Variants in PLSCR2 observed in about 807,000 individuals in gnomAD.
PLSCR2 encodes phospholipid scramblase 2.
In PLSCR2, 18 loss-of-function variants were observed where a neutral mutation model predicts 25.3. That is an observed-to-expected ratio of 0.71 (90% CI 0.49 to 1.06). PLSCR2 has a LOEUF of 1.06. Among genes scored for constraint, PLSCR2 ranks in the 50% least tolerant of loss-of-function variants. The pLI is 0.00. For missense variants in PLSCR2, 243 were observed against 269.5 expected, an observed-to-expected ratio of 0.90 and a Z score of 0.69; for synonymous variants, 88 against 87.3, an observed-to-expected ratio of 1.01 and a Z score of -0.04.
chr3:146,479,672 A>G (rs2043060099), intron 1 of PLSCR2, among the ~76,000 whole-genome samples: 1 of 152,180 alleles, frequency 6.6e-6, no homozygotes, highest in South Asian at 2.1e-4. Flanking sequence ...TATTAGACAG[A>G]TCAATGAGAC....
intron 1 of PLSCR2, among the ~76,000 whole-genome samples, chr3:146,481,198 C>T (rs1336689778): frequency 1.3e-5 from 2 of 152,196 alleles, no homozygotes; most frequent in African/African-American, 4.8e-5. Flanking sequence ...TCTCTCACCA[C>T]TCCTATTCAA....
chr3:146,492,396 C>T (rs985400960), intron 1 of PLSCR2, among the ~76,000 whole-genome samples: 5 of 152,096 alleles, frequency 3.3e-5, no homozygotes, highest in Non-Finnish European at 7.4e-5. Flanking sequence ...CAACCACATA[C>T]TTGTGCATAA....
chr3:146,463,532 C>T (rs1462682960), upstream of PLSCR2, among the ~76,000 whole-genome samples: 2 of 152,190 alleles, frequency 1.3e-5, no homozygotes, highest in East Asian at 3.8e-4. Flanking sequence ...TGCCTTGACC[C>T]CATCCTAGTC....
chr3:146,449,199 G>A lies in PLSCR2; in HGVS notation c.645+7C>T, dbSNP rs766229381. ...TCTGTCACCAAGATTAGCAGGAATA[G>A]ACTTACAATGAGGAAACAGGCACCA... On this transcript the variant is annotated splice_region_variant and intron_variant, in intron 6 of 6. Coordinates refer to ENST00000610787, the Ensembl canonical transcript of PLSCR2. 3.6e-5 allele frequency: 58 copies of A among 1,605,428 alleles called. 1 individual carries two copies. Among genetic ancestry groups the A allele is most frequent in the Non-Finnish European group, 4.7e-5 (55 of 1,174,160 alleles).
At chr3:146,453,008 A>T (rs1230344396) in intron 5 of PLSCR2, among the ~76,000 whole-genome samples, 1 of 151,940 alleles carries the variant, frequency 6.6e-6, no homozygotes, top group Admixed American at 6.6e-5. Context: ...TTATAAGAGC[A>T]TTTTAAAGGT....
At chr3:146,447,358 C>A (rs1413719539) in intron 6 of PLSCR2, among the ~76,000 whole-genome samples, 1 of 152,188 alleles carries the variant, frequency 6.6e-6, no homozygotes, top group Non-Finnish European at 1.5e-5. Flanking sequence ...GCAAGTACTG[C>A]CTGGCTATCA....
At chr3:146,431,877 A>AAT (rs1266862341), downstream of PLSCR2, among the ~76,000 whole-genome samples, 1 of 151,524 alleles carries the variant, frequency 6.6e-6, no homozygotes, top group African/African-American at 2.4e-5. Context: ...AAAAAAAAAA[A>AAT]AGACTTTATT....
chr3:146,441,029 T>C (rs921128632), downstream of PLSCR2, among the ~76,000 whole-genome samples: 6 of 152,194 alleles, frequency 3.9e-5, no homozygotes, highest in African/African-American at 1.4e-4. Context: ...AGAATGAGTC[T>C]GTCTTTTGGA....
upstream of PLSCR2, among the ~76,000 whole-genome samples, chr3:146,461,550 C>G (rs1424374785): frequency 6.6e-6 from 1 of 151,734 alleles, no homozygotes; most frequent in South Asian, 2.1e-4. Context: ...GGAGAAAGGA[C>G]AGAGGATAAG....
intron 2 of PLSCR2, among the ~76,000 whole-genome samples, chr3:146,423,269 CTCTCTCTCTCT>C (rs1559981757): frequency 1.1e-3 from 156 of 146,158 alleles, no homozygotes; most frequent in African/African-American, 3.8e-3. Context: ...CTCTCTCTCT[CTCTCTCTCTCT>C]CTCCCTGGCT....
At chr3:146,495,670 C>T (rs2043720549) in intron 1 of PLSCR2, among the ~76,000 whole-genome samples, 1 of 152,160 alleles carries the variant, frequency 6.6e-6, no homozygotes. Flanking sequence ...CTGGGCTTCC[C>T]AGCCTCTGGA....
intron 1 of PLSCR2, among the ~76,000 whole-genome samples, chr3:146,485,057 GACAC>G (rs1352787493): frequency 6.7e-6 from 1 of 149,990 alleles, no homozygotes; most frequent in Non-Finnish European, 1.5e-5. Flanking sequence ...TCTGTACAAA[GACAC>G]ACACAGGCTC....
chr3:146,454,246 C>G (rs1336032913), intron 4 of PLSCR2, 83 bp from the exon 5 acceptor site: 3 of 984,840 alleles, frequency 3.0e-6, no homozygotes, highest in Non-Finnish European at 4.4e-6. Flanking sequence ...TGAGCATTTC[C>G]TAAGTGCCAG....
At position 146,410,726 on chromosome 3, in the gene PLSCR2, TAAAAC is replaced by T. The variant is rs531335641; in HGVS notation, c.101-14810_101-14806del. On this transcript the variant is annotated intron_variant and NMD_transcript_variant, in intron 2 of 3. Transcript: ENST00000463633. Reference sequence around the variant, plus strand: ...TAGACACCGAACAAAACAATAAACATAAAACAAACAATTGACCCTAGGGCATCTAA... The same window carrying T: ...TAGACACCGAACAAAACAATAAACATAAACAATTGACCCTAGGGCATCTAA... Among the ~76,000 whole-genome samples the T allele has an allele frequency of 5.9e-5, 9 of 152,274 alleles. No homozygotes were observed. The South Asian group carries it at 1.2e-3, about 21-fold the overall frequency.
exon 3 of PLSCR2, chr3:146,395,899 A>G: frequency 3.1e-6 from 1 of 322,742 alleles, no homozygotes. Context: ...TCCAATAACC[A>G]TTTCCTCATC....
At chr3:146,480,639 G>A (rs2043096302) in intron 1 of PLSCR2, among the ~76,000 whole-genome samples, 3 of 134,438 alleles carry the variant, frequency 2.2e-5, no homozygotes, top group African/African-American at 8.5e-5. Flanking sequence ...ATTCACAGCT[G>A]AATTCTACCG....
chr3:146,486,685 AC>A (rs1303620850), intron 1 of PLSCR2, among the ~76,000 whole-genome samples: 3 of 152,044 alleles, frequency 2.0e-5, no homozygotes, highest in Admixed American at 1.3e-4. Context: ...TAAATTGCCT[AC>A]CAAAAAAAAA....
intron 3 of PLSCR2, among the ~76,000 whole-genome samples, chr3:146,395,386 A>G (rs1381791470): frequency 6.6e-6 from 1 of 152,218 alleles, no homozygotes; most frequent in Non-Finnish European, 1.5e-5. Context: ...ATCAAATAAT[A>G]TCTATAGTTT....
chr3:146,488,888 T>A (rs1180054651), intron 1 of PLSCR2, among the ~76,000 whole-genome samples: 1 of 152,080 alleles, frequency 6.6e-6, no homozygotes, highest in Non-Finnish European at 1.5e-5. Flanking sequence ...TGCAGCACTA[T>A]TCACAATAGC....
Sources: gnomAD v4.1 joint callset for allele counts (sites outside exome capture counted in the v4.1 genomes callset) on GRCh38, gnomAD v4.1.1 for gene constraint, MANE v1.5 for transcripts, NCBI Gene and HGNC (gene_info 2026-07-23, HGNC 2026-07-21) for gene names.